CRCP: variants seen among roughly 807,000 people sequenced by gnomAD.
CRCP encodes the protein CGRP receptor component.
CRCP carries 18 observed loss-of-function variants against 18.5 expected under a neutral mutation model. The observed-to-expected ratio is 0.97, with a 90% confidence interval of 0.67 to 1.44. CRCP has a LOEUF of 1.44. CRCP is among the 40% of genes most tolerant of loss of function. The probability of loss-of-function intolerance (pLI) is 0.00; values close to 1 mark genes in which losing one functional copy is unlikely to be tolerated. For missense variants in CRCP, 130 were observed against 176.4 expected (o/e 0.74, Z 1.49); for synonymous variants, 53 against 62.9 (o/e 0.84, Z 0.75).
At chr7:66,122,374 CAA>C (rs939428601) in intron 1 of CRCP, among the ~76,000 whole-genome samples, 3 of 57,968 alleles carry the variant, frequency 5.2e-5, no homozygotes, top group East Asian at 4.5e-4. Context: ...GACTCCGTCT[CAA>C]AAAAAAAAAA....
In CRCP at chr7:66,152,563, AG is replaced by A; in HGVS notation, c.*209del. On this transcript the variant is annotated 3_prime_UTR_variant, in exon 6 of 6. Transcript: ENST00000395326. ...ATGGTGAAAACAGGCTGAGGTTGTC[AG>A]GGCAGAGAGCTGAAGGTGGGGACAG... 1 of 573,364 alleles carries A rather than the reference AG, an allele frequency of 1.7e-6. No homozygotes were observed. Among genetic ancestry groups the A allele is most frequent in the Non-Finnish European group, 3.0e-6 (1 of 329,310 alleles). The allele number at this position is 573,364 out of a possible 1,614,324, so 35.5% of individuals were successfully genotyped here. A position where few individuals can be genotyped will look rare whatever the true frequency, so the allele number is the denominator to read the frequency against.
At chr7:66,150,371 G>A (rs1003629586) in intron 5 of CRCP, among the ~76,000 whole-genome samples, 4 of 28,062 alleles carry the variant, frequency 1.4e-4, no homozygotes, top group Non-Finnish European at 2.9e-4. Flanking sequence ...GGGAGTTGAA[G>A]ATTGTTTCTT....
At chr7:66,120,286 C>T (rs1165927310) in intron 1 of CRCP, among the ~76,000 whole-genome samples, 2 of 152,132 alleles carry the variant, frequency 1.3e-5, no homozygotes, top group Non-Finnish European at 2.9e-5. Flanking sequence ...TAAGGAAAGC[C>T]GACTGTATAA....
intron 1 of CRCP, among the ~76,000 whole-genome samples, chr7:66,117,454 T>A (rs1787303822): frequency 6.6e-6 from 1 of 152,184 alleles, no homozygotes; most frequent in Admixed American, 6.6e-5. Flanking sequence ...TCTCATCATC[T>A]ATCCAATTGC....
chr7:66,126,602 G>A, intron 1 of CRCP: 2 of 423,580 alleles, frequency 4.7e-6, no homozygotes, highest in South Asian at 1.7e-5. Context: ...GAATTAACTG[G>A]GATAATATCT....
At chr7:66,123,219 G>T (rs1374078132) in intron 1 of CRCP, among the ~76,000 whole-genome samples, 1 of 152,130 alleles carries the variant, frequency 6.6e-6, no homozygotes, top group Non-Finnish European at 1.5e-5. Context: ...CTCCCAAAGT[G>T]CCGGGATTAC....
At chr7:66,131,213 A>C (rs565103543) in intron 3 of CRCP, among the ~76,000 whole-genome samples, 2 of 152,178 alleles carry the variant, frequency 1.3e-5, no homozygotes, top group Admixed American at 1.3e-4. Context: ...TGACCTCGTG[A>C]TCCGTCCGCC....
chr7:66,134,529 A>G (rs1302742581), intron 4 of CRCP, 155 bp downstream of exon 4: 15 of 506,360 alleles, frequency 3.0e-5, no homozygotes, highest in Non-Finnish European at 4.8e-5. Flanking sequence ...CATAGGGACT[A>G]GAGTAAGGAA....
intron 1 of CRCP, among the ~76,000 whole-genome samples, chr7:66,115,881 G>A (rs2115831548): frequency 6.6e-6 from 1 of 152,276 alleles, no homozygotes; most frequent in East Asian, 1.9e-4. Context: ...GTTCACTGCA[G>A]CCTCACTTTC....
intron 4 of CRCP, among the ~76,000 whole-genome samples, chr7:66,141,664 T>C (rs55653934): frequency 3.2e-4 from 48 of 152,194 alleles, no homozygotes; most frequent in Non-Finnish European, 7.1e-4. Flanking sequence ...AAGGAGGGAA[T>C]GATCAGCAGT....
chr7:66,141,160 A>G (rs1036068123), intron 4 of CRCP, among the ~76,000 whole-genome samples: 2 of 152,288 alleles, frequency 1.3e-5, no homozygotes, highest in East Asian at 3.9e-4. Context: ...AGGCTTCTTC[A>G]CTGTGGCTGG....
intron 1 of CRCP, among the ~76,000 whole-genome samples, chr7:66,118,651 C>T (rs1441873370): frequency 6.6e-6 from 1 of 152,172 alleles, no homozygotes; most frequent in Non-Finnish European, 1.5e-5. Context: ...GTAGTATTTG[C>T]ATATAATCTA....
intron 3 of CRCP, among the ~76,000 whole-genome samples, chr7:66,133,615 CT>C (rs1787878326): frequency 6.7e-6 from 1 of 150,198 alleles, no homozygotes; most frequent in Non-Finnish European, 1.5e-5. Flanking sequence ...TCCATGTAGA[CT>C]CATGGCAATT....
chr7:66,131,828 C>T (rs377377683), intron 3 of CRCP, among the ~76,000 whole-genome samples: 1 of 151,014 alleles, frequency 6.6e-6, no homozygotes, highest in East Asian at 1.9e-4. Context: ...AGTGCCATGG[C>T]GCAACCTCGG....
chr7:66,135,572 C>G (rs1283056826), intron 4 of CRCP, among the ~76,000 whole-genome samples: 27 of 152,050 alleles, frequency 1.8e-4, no homozygotes, highest in Non-Finnish European at 2.9e-5. Context: ...GCACAACGTG[C>G]AAGTTTGTTA....
At position 66,125,078 on chromosome 7, in the gene CRCP, T is replaced by C. The variant is rs994092556; in HGVS notation, c.9-2626T>C. ...GAAGAGTCTAAATTTAACCCAGTTG[T>C]TTTGAAGACTGTTCCTCAATTTGGA... On this transcript the variant is annotated intron_variant, in intron 1 of 5. Transcript: ENST00000395326. 2.1e-4 allele frequency among the ~76,000 whole-genome samples: 31 copies of C among 149,386 alleles called. 2 individuals carry two copies. Among genetic ancestry groups the C allele is most frequent in the Admixed American group, 2.1e-3 (31 of 14,944 alleles).
At chr7:66,143,850 G>A (rs1380702445) in intron 4 of CRCP, among the ~76,000 whole-genome samples, 1 of 152,200 alleles carries the variant, frequency 6.6e-6, no homozygotes, top group Non-Finnish European at 1.5e-5. Context: ...ATAAATGGTA[G>A]TGGCGGCCTC....
chr7:66,136,495 T>G (rs1393360327), intron 4 of CRCP, among the ~76,000 whole-genome samples: 1 of 151,942 alleles, frequency 6.6e-6, no homozygotes, highest in East Asian at 2.0e-4. Flanking sequence ...CTCTCAAAGT[T>G]CTGGGATTAC....
At chr7:66,117,356 G>A (rs960007367) in intron 1 of CRCP, among the ~76,000 whole-genome samples, 1 of 151,996 alleles carries the variant, frequency 6.6e-6, no homozygotes, top group African/African-American at 2.4e-5. Flanking sequence ...GTATCTTAGG[G>A]CTCAGTCCTG....
Sources: gnomAD v4.1 joint callset for allele counts (sites outside exome capture counted in the v4.1 genomes callset) on GRCh38, gnomAD v4.1.1 for gene constraint, MANE v1.5 for transcripts, NCBI Gene and HGNC (gene_info 2026-07-23, HGNC 2026-07-21) for gene names.